Variants in PTPRT observed in about 807,000 individuals in gnomAD.
PTPRT encodes the protein protein tyrosine phosphatase receptor type T.
In PTPRT, 56 loss-of-function variants were observed where a neutral mutation model predicts 176.8. The observed-to-expected ratio is 0.32, with a 90% CI of 0.26 to 0.40. The LOEUF (loss-of-function observed/expected upper bound fraction) is 0.40, where lower values mean the gene tolerates loss of function less well. Among genes scored for constraint, PTPRT ranks in the 10% least tolerant of loss-of-function variants. The probability of loss-of-function intolerance (pLI) is 1.00; values close to 1 mark genes in which losing one functional copy is unlikely to be tolerated. For synonymous variants in PTPRT, 783 were observed against 739.0 expected (o/e 1.06, Z -0.96); for missense variants, 1,540 against 1,908.2 (o/e 0.81, Z 3.60).
At chr20:42,404,972 T>TTATATATATATATATATATATA (rs200602736) in intron 9 of PTPRT, among the ~76,000 whole-genome samples, 1,696 of 76,998 alleles carry the variant, frequency 0.022, 29 homozygotes, top group Admixed American at 0.037. Flanking sequence ...GGCCAATTAA[T>TTATATATATATATATATATATA]TATATATATA....
At chr20:43,064,314 G>T (rs767014110) in intron 1 of PTPRT, among the ~76,000 whole-genome samples, 1 of 152,096 alleles carries the variant, frequency 6.6e-6, no homozygotes, top group Admixed American at 6.6e-5. Context: ...CCACAAGATG[G>T]GAAATCTTTA....
At chr20:42,241,278 G>A (rs1010797627) in intron 14 of PTPRT, among the ~76,000 whole-genome samples, 6 of 152,142 alleles carry the variant, frequency 3.9e-5, no homozygotes, top group Admixed American at 3.9e-4. Context: ...TGCCTGAGTG[G>A]TAAAGTAAAA....
chr20:43,033,751 G>A (rs1475179172), intron 1 of PTPRT, among the ~76,000 whole-genome samples: 1 of 152,160 alleles, frequency 6.6e-6, no homozygotes, highest in Non-Finnish European at 1.5e-5. Flanking sequence ...GGAAGGTGGA[G>A]GCAGATGCTA....
At chr20:42,761,596 C>A (rs2076917209) in intron 5 of PTPRT, among the ~76,000 whole-genome samples, 2 of 152,142 alleles carry the variant, frequency 1.3e-5, no homozygotes, top group Non-Finnish European at 2.9e-5. Context: ...GAGATAAGTC[C>A]TACTAGTAAT....
At chr20:42,270,838 C>G (rs1321148739) in intron 13 of PTPRT, among the ~76,000 whole-genome samples, 7 of 152,178 alleles carry the variant, frequency 4.6e-5, no homozygotes, top group Non-Finnish European at 1.0e-4. Context: ...ATCCATGTAG[C>G]TTCTCAGTCT....
At chr20:42,817,363 GTTT>G (rs35081877) in intron 2 of PTPRT, among the ~76,000 whole-genome samples, 1 of 138,072 alleles carries the variant, frequency 7.2e-6, no homozygotes. Flanking sequence ...ATCATGTTTG[GTTT>G]TTTTTTTTTT....
chr20:42,715,965 C>T (rs764489914), intron 6 of PTPRT, among the ~76,000 whole-genome samples: 17 of 152,222 alleles, frequency 1.1e-4, no homozygotes, highest in Non-Finnish European at 1.8e-4. Context: ...ATACTTTTTA[C>T]TCACATTTGC....
chr20:42,926,773 T>G (rs540711981), intron 1 of PTPRT, among the ~76,000 whole-genome samples: 2 of 152,296 alleles, frequency 1.3e-5, no homozygotes, highest in South Asian at 4.1e-4. Context: ...GCATGATTGT[T>G]GTGGGGATGC....
intron 1 of PTPRT, among the ~76,000 whole-genome samples, chr20:43,118,393 T>C (rs1416720799): frequency 6.6e-6 from 1 of 152,208 alleles, no homozygotes; most frequent in Non-Finnish European, 1.5e-5. Flanking sequence ...GAACACCTGG[T>C]ACTTCATTTA....
intron 7 of PTPRT, among the ~76,000 whole-genome samples, chr20:42,594,201 T>C (rs981555481): frequency 4.6e-5 from 7 of 152,092 alleles, no homozygotes; most frequent in African/African-American, 1.7e-4. Context: ...AACAAGGAGT[T>C]CTAAGAACTT....
At chr20:42,542,856 A>G (rs1368728571) in intron 7 of PTPRT, among the ~76,000 whole-genome samples, 1 of 152,232 alleles carries the variant, frequency 6.6e-6, no homozygotes, top group Admixed American at 6.5e-5. Flanking sequence ...TTGAGCAGTG[A>G]CTAAAAGAAG....
At chr20:42,875,621 G>A (rs914612724) in intron 2 of PTPRT, among the ~76,000 whole-genome samples, 1 of 152,108 alleles carries the variant, frequency 6.6e-6, no homozygotes, top group Non-Finnish European at 1.5e-5. Context: ...ATAAACCATG[G>A]TTCATTCACC....
intron 7 of PTPRT, among the ~76,000 whole-genome samples, chr20:42,627,854 G>C (rs938434080): frequency 6.6e-6 from 1 of 151,966 alleles, no homozygotes; most frequent in African/African-American, 2.4e-5. Flanking sequence ...AGTGTGAGCC[G>C]CTGCAGTTTG....
Position 42,075,608 on chromosome 20 carries a change from G to T in PTPRT, c.*5271C>A, listed in dbSNP as rs1982694501. 9 of 209,568 alleles carry T rather than the reference G, an allele frequency of 4.3e-5. No individual in the cohort carries two copies. In the Admixed American group the frequency reaches 5.3e-4, roughly 12 times the overall value. The allele number at this position is 209,568 out of a possible 1,614,324, so 13.0% of individuals were successfully genotyped here. On this transcript the variant is annotated 3_prime_UTR_variant, in exon 31 of 31. Transcript: ENST00000373187. Reference sequence around the variant, plus strand: ...ATTATCATTTCCTTCAATGTCTCTGGATCTGGGTTGGGCAGTCACTCCTGC... The same window carrying T: ...ATTATCATTTCCTTCAATGTCTCTGTATCTGGGTTGGGCAGTCACTCCTGC...
At chr20:43,068,373 CG>C (rs1290908227) in intron 1 of PTPRT, among the ~76,000 whole-genome samples, 1 of 150,998 alleles carries the variant, frequency 6.6e-6, no homozygotes, top group Non-Finnish European at 1.5e-5. Context: ...GGCATGGTGG[CG>C]GGGAACCTGT....
At position 42,619,698 on chromosome 20, in the gene PTPRT, T is replaced by C. The variant is rs373845313; in HGVS notation, c.1153+58168A>G. Among the ~76,000 whole-genome samples the C allele has an allele frequency of 4.4e-5, 6 of 135,924 alleles. 1 individual carries two copies. The highest frequency in any genetic ancestry group is 7.6e-5 in the Non-Finnish European group (5 of 65,626). The allele number at this position is 135,924 out of a possible 152,430, so 89.2% of individuals were successfully genotyped here. On this transcript the variant is annotated intron_variant, in intron 7 of 30. Coordinates refer to ENST00000373187, the MANE Select transcript of PTPRT (RefSeq NM_007050.6). ...CGCTTCATTTCATTCATTTCATCTT[T>C]CATTGCTGATGCCCTTTCTTCCAGT...
chr20:42,848,847 T>C (rs546116686), intron 2 of PTPRT, among the ~76,000 whole-genome samples: 2 of 152,318 alleles, frequency 1.3e-5, no homozygotes, highest in South Asian at 4.1e-4. Context: ...TTTGTTTTTG[T>C]CGAATTTGCT....
chr20:43,006,298 C>T (rs1984851237), intron 1 of PTPRT, among the ~76,000 whole-genome samples: 1 of 152,120 alleles, frequency 6.6e-6, no homozygotes, highest in Admixed American at 6.5e-5. Flanking sequence ...CTTTTATTTT[C>T]TAATATATTT....
intron 7 of PTPRT, among the ~76,000 whole-genome samples, chr20:42,600,747 T>C (rs891709690): frequency 4.6e-5 from 7 of 152,196 alleles, no homozygotes; most frequent in African/African-American, 9.7e-5. Context: ...TTTAAAACAA[T>C]TGCCTCCAGT....
Sources: allele counts gnomAD v4.1 joint callset (sites outside exome capture counted in the v4.1 genomes callset), GRCh38; gene constraint gnomAD v4.1.1; transcripts MANE v1.5; gene names NCBI Gene and HGNC (gene_info 2026-07-23, HGNC 2026-07-21).